TANC2: variants seen among roughly 807,000 people sequenced by gnomAD.
The protein encoded by TANC2 is protein TANC2.
Under a neutral mutation model 210.5 loss-of-function variants are expected in TANC2, and 26 were observed. The ratio of observed to expected loss-of-function variants is 0.12; its 90% CI spans 0.09 to 0.17. TANC2 has a LOEUF of 0.17. Among genes scored for constraint, TANC2 ranks in the 10% least tolerant of loss-of-function variants. The probability of loss-of-function intolerance (pLI) is 1.00; values close to 1 mark genes in which losing one functional copy is unlikely to be tolerated. For missense variants in TANC2, 2,129 were observed against 2,608.9 expected (o/e 0.82, Z 4.01); for synonymous variants, 931 against 967.1 (o/e 0.96, Z 0.69).
intron 1 of TANC2, among the ~76,000 whole-genome samples, chr17:63,009,123 CTT>C (rs1266599644): frequency 4.0e-5 from 6 of 151,728 alleles, no homozygotes; most frequent in Non-Finnish European, 7.4e-5. Context: ...TGGTTTAGCA[CTT>C]TTATTACTTT....
At chr17:63,026,291 C>T (rs2034551135) in intron 2 of TANC2, among the ~76,000 whole-genome samples, 1 of 152,146 alleles carries the variant, frequency 6.6e-6, no homozygotes, top group Non-Finnish European at 1.5e-5. Context: ...CTCTTTTACA[C>T]TGCTGTATCC....
chr17:63,352,834 G>A (rs561833698), intron 13 of TANC2, among the ~76,000 whole-genome samples: 216 of 152,058 alleles, frequency 1.4e-3, no homozygotes, highest in Non-Finnish European at 2.5e-3. Context: ...TTCAGGGACT[G>A]TTCTAGGGGC....
rs75213629 is a variant in TANC2, at chr17:62,989,014, G to A, written c.-23-20523G>A. Among the ~76,000 whole-genome samples the A allele has an allele frequency of 5.3e-5, 8 of 152,284 alleles. No individual in the cohort carries two copies. In the East Asian group the frequency reaches 1.2e-3, roughly 22 times the overall value. On this transcript the variant is annotated intron_variant, in intron 1 of 27. Coordinates refer to ENST00000689528, the Ensembl canonical transcript of TANC2. ...CAAAAGCATATAGTAAGTACTTGACGAATATGTTTACTTAAACCTCTAAAT... is the reference window on the plus strand; with the variant it reads ...CAAAAGCATATAGTAAGTACTTGACAAATATGTTTACTTAAACCTCTAAAT...
At chr17:63,416,820 G>GC (rs1370560678) in intron 26 of TANC2, among the ~76,000 whole-genome samples, 8 of 152,154 alleles carry the variant, frequency 5.3e-5, no homozygotes, top group Non-Finnish European at 1.0e-4. Flanking sequence ...TGTGGAAGAG[G>GC]CCCCCCAACC....
intron 7 of TANC2, among the ~76,000 whole-genome samples, chr17:63,219,198 G>C (rs2042103997): frequency 1.3e-5 from 2 of 152,150 alleles, no homozygotes; most frequent in African/African-American, 4.8e-5. Context: ...ATCTATTCCA[G>C]GGGTTGGTAA....
intron 5 of TANC2, among the ~76,000 whole-genome samples, chr17:63,162,160 C>A (rs2040049760): frequency 6.6e-6 from 1 of 151,984 alleles, no homozygotes; most frequent in African/African-American, 2.4e-5. Flanking sequence ...AATAAAAAGC[C>A]AGGCATGGTG....
At chr17:63,392,624 GC>G (rs2048017828) in intron 17 of TANC2, among the ~76,000 whole-genome samples, 1 of 152,088 alleles carries the variant, frequency 6.6e-6, no homozygotes, top group Non-Finnish European at 1.5e-5. Flanking sequence ...CATCCCCTTA[GC>G]TTTTGTAGAG....
intron 4 of TANC2, among the ~76,000 whole-genome samples, chr17:63,109,083 A>T (rs2037935019): frequency 6.6e-6 from 1 of 151,642 alleles, no homozygotes; most frequent in Non-Finnish European, 1.5e-5. Flanking sequence ...TATGAAATGT[A>T]GCCAAAGTGG....
rs557266631 is a variant in TANC2, at chr17:63,211,200, A to G, written c.769+10243A>G. 1.1e-4 allele frequency among the ~76,000 whole-genome samples: 16 copies of G among 152,362 alleles called. No homozygotes were observed. In the South Asian group the frequency reaches 2.9e-3, roughly 28 times the overall value. ...CATTTGACTCCCGGTTACCTAAAAG[A>G]TAAAGTGAACTTCTTGAAAACAAAG... On this transcript the variant is annotated intron_variant, in intron 7 of 27. Coordinates refer to ENST00000689528, the Ensembl canonical transcript of TANC2.
At chr17:63,311,845 C>T (rs1036488919) in intron 9 of TANC2, among the ~76,000 whole-genome samples, 2 of 152,066 alleles carry the variant, frequency 1.3e-5, no homozygotes, top group Admixed American at 6.5e-5. Flanking sequence ...AGTAAAAGGC[C>T]ACATACTCTA....
At chr17:62,969,883 ATGGAT>A (rs1329362021) in intron 1 of TANC2, among the ~76,000 whole-genome samples, 1 of 152,182 alleles carries the variant, frequency 6.6e-6, no homozygotes, top group African/African-American at 2.4e-5. Flanking sequence ...ATTAGCACAA[ATGGAT>A]TAGATGCCTA....
At chr17:63,196,528 A>G (rs2041351739) in intron 6 of TANC2, among the ~76,000 whole-genome samples, 1 of 152,230 alleles carries the variant, frequency 6.6e-6, no homozygotes, top group Non-Finnish European at 1.5e-5. Context: ...ATTTCTGCAT[A>G]AAGTCACAAG....
intron 8 of TANC2, among the ~76,000 whole-genome samples, chr17:63,255,880 A>G (rs1486472460): frequency 7.7e-6 from 1 of 130,304 alleles, no homozygotes; most frequent in Non-Finnish European, 1.7e-5. Flanking sequence ...AAGAAGCATC[A>G]TTAAGTTGTT....
rs541563711 is a variant in TANC2 at position 63,235,874 on chromosome 17, C to T, written c.770-1940C>T. Among the ~76,000 whole-genome samples, 71 of 151,960 alleles carry T rather than the reference C, an allele frequency of 4.7e-4. No individual in the cohort carries two copies. In the South Asian group the frequency reaches 8.3e-3, roughly 18 times the overall value. ...TAATCTAGATGTTAATGTTTTTAAT[C>T]CTTTCATTTCTAGCATTAATTAAAA... On this transcript the variant is annotated intron_variant, in intron 7 of 27. Coordinates refer to ENST00000689528, the Ensembl canonical transcript of TANC2.
At chr17:63,324,203 G>GA (rs1196577410) in intron 11 of TANC2, among the ~76,000 whole-genome samples, 2 of 152,166 alleles carry the variant, frequency 1.3e-5, no homozygotes, top group Non-Finnish European at 2.9e-5. Flanking sequence ...TAACATATCT[G>GA]AAATGAGTTC....
At chr17:63,047,766 C>T (rs1008186481) in intron 2 of TANC2, among the ~76,000 whole-genome samples, 1 of 151,964 alleles carries the variant, frequency 6.6e-6, no homozygotes, top group African/African-American at 2.4e-5. Flanking sequence ...ATGACGGAGA[C>T]CCCTAAAACA....
At chr17:63,299,540 T>G (rs556942006) in intron 9 of TANC2, among the ~76,000 whole-genome samples, 3 of 151,926 alleles carry the variant, frequency 2.0e-5, no homozygotes, top group African/African-American at 2.4e-5. Context: ...TAAGCTTTTT[T>G]TTTTTTTTTT....
At chr17:63,278,246 A>T (rs2043947657) in intron 9 of TANC2, among the ~76,000 whole-genome samples, 1 of 152,158 alleles carries the variant, frequency 6.6e-6, no homozygotes, top group Non-Finnish European at 1.5e-5. Flanking sequence ...ATAGGAGTTA[A>T]TATCCAGAAT....
rs767168489 is a variant in TANC2 at position 63,420,630 on chromosome 17, A to G, written c.4900A>G (p.Ser1634Gly). ...GTATCGGGCCAGCCCTCCAGCTGAA[A>G]GTATGAGTGTCTATAGATCCCAGTC... The change falls in exon 28 of 28, where the codon AGT (serine) becomes GGT (glycine). Residue 1634 changes from serine (S) to glycine (G), a missense_variant. Coordinates refer to ENST00000689528, the Ensembl canonical transcript of TANC2. This position sits in a 1 kb window ranked among gnomAD's most constrained non-coding sequence, Gnocchi z 4.2. The G allele has an allele frequency of 4.3e-6, 7 of 1,613,902 alleles. No homozygotes were observed. The South Asian group carries it at 6.6e-5, about 15-fold the overall frequency.
Sources: gnomAD v4.1 joint callset for allele counts (sites outside exome capture counted in the v4.1 genomes callset) on GRCh38, gnomAD v4.1.1 for gene constraint, Gnocchi (gnomAD v3.1) non-coding constraint, MANE v1.5 for transcripts, NCBI Gene and HGNC (gene_info 2026-07-23, HGNC 2026-07-21) for gene names.